LRRFIP2: variants seen among roughly 807,000 people sequenced by gnomAD.
LRRFIP2 encodes leucine-rich repeat flightless-interacting protein 2.
LRRFIP2 carries 109 observed loss-of-function variants against 125.9 expected under a neutral mutation model. The observed-to-expected ratio is 0.87, with a 90% CI of 0.74 to 1.01. The LOEUF (loss-of-function observed/expected upper bound fraction) is 1.01, where lower values mean the gene tolerates loss of function less well. Among genes scored for constraint, LRRFIP2 ranks in the 50% least tolerant of loss-of-function variants. The probability of loss-of-function intolerance (pLI) is 0.00; values close to 1 mark genes in which losing one functional copy is unlikely to be tolerated. For synonymous variants in LRRFIP2, 291 were observed against 293.1 expected, an observed-to-expected ratio of 0.99 and a Z score of 0.07; for missense variants, 850 against 862.3, an observed-to-expected ratio of 0.99 and a Z score of 0.18.
chr3:37,127,737 A>C, intron 3 of LRRFIP2, 57 bp from the exon 4 acceptor site: 1 of 1,362,390 alleles, frequency 7.3e-7, no homozygotes, highest in Non-Finnish European at 1.0e-6. Context: ...CATTCTCCAA[A>C]AACCTTAAAT....
intron 21 of LRRFIP2, among the ~76,000 whole-genome samples, chr3:37,070,677 C>A (rs2091028657): frequency 2.0e-5 from 3 of 152,030 alleles, no homozygotes; most frequent in Admixed American, 1.3e-4. Flanking sequence ...TTGCAGTGAG[C>A]TGAGATCGTG....
chr3:37,122,549 G>A (rs1388741687), intron 4 of LRRFIP2, among the ~76,000 whole-genome samples: 1 of 152,100 alleles, frequency 6.6e-6, no homozygotes, highest in East Asian at 1.9e-4. Context: ...TATCACTGAT[G>A]TATTTTAAGA....
intron 1 of LRRFIP2, among the ~76,000 whole-genome samples, chr3:37,157,197 C>T (rs55832307): frequency 0.016 from 2,358 of 151,942 alleles, 52 homozygotes; most frequent in African/African-American, 0.043. Context: ...AATCCCAGTA[C>T]TTTGGGAGGC....
At chr3:37,165,795 GAGAAAGAAAGAAAGAAAGAAAGAA>G (rs780657651) in intron 1 of LRRFIP2, among the ~76,000 whole-genome samples, 1 of 17,998 alleles carries the variant, frequency 5.6e-5, no homozygotes, top group South Asian at 1.8e-3. Flanking sequence ...GAGAAAGAAA[GAGAAAGAAAGAAAGAAAGAAAGAA>G]AGAAAGAAAG....
At chr3:37,092,650 T>C (rs2149195124) in intron 17 of LRRFIP2, among the ~76,000 whole-genome samples, 1 of 152,302 alleles carries the variant, frequency 6.6e-6, no homozygotes, top group African/African-American at 2.4e-5. Context: ...TTATTCAACT[T>C]TCCACCCTGG....
At chr3:37,075,271 G>A (rs889917585) in intron 19 of LRRFIP2, among the ~76,000 whole-genome samples, 155 bp from the exon 20 acceptor site, 3 of 152,122 alleles carry the variant, frequency 2.0e-5, no homozygotes, top group Admixed American at 2.0e-4. Flanking sequence ...CTATAGAAAA[G>A]TTAAGAAAAT....
At chr3:37,161,179 T>TGAAAA (rs1408490057) in intron 1 of LRRFIP2, among the ~76,000 whole-genome samples, 1 of 88,142 alleles carries the variant, frequency 1.1e-5, no homozygotes, top group Non-Finnish European at 2.2e-5. Flanking sequence ...CCCCATCTAC[T>TGAAAA]AAAAAAAAAA....
At chr3:37,112,285 G>A (rs1175797713) in intron 8 of LRRFIP2, among the ~76,000 whole-genome samples, 4 of 148,002 alleles carry the variant, frequency 2.7e-5, no homozygotes, top group East Asian at 3.9e-4. Flanking sequence ...GCAGTGAGCC[G>A]AGATCGCGCC....
chr3:37,164,791 T>A (rs571110262), intron 1 of LRRFIP2, among the ~76,000 whole-genome samples: 1 of 152,166 alleles, frequency 6.6e-6, no homozygotes, highest in African/African-American at 2.4e-5. Flanking sequence ...TCTAAGGTGG[T>A]TCCCCACCCT....
intron 18 of LRRFIP2, among the ~76,000 whole-genome samples, chr3:37,085,984 C>CTTAT (rs1266722959): frequency 6.6e-6 from 1 of 152,144 alleles, no homozygotes; most frequent in South Asian, 2.1e-4. Context: ...TGATAAGGGA[C>CTTAT]TTATATGCAG....
rs1464332536 is a variant in LRRFIP2, at chr3:37,135,078, G to C, written c.91-5929C>G. ...CGTAAAAGTACAACAGAATATCTCG[G>C]GAATGGACTCAGAAGAATGCCATAT... On this transcript the variant is annotated intron_variant, in intron 2 of 27. Transcript: ENST00000336686. 5 of 1,375,460 alleles carry C rather than the reference G, an allele frequency of 3.6e-6. No homozygotes were observed. In the African/African-American group the frequency reaches 7.2e-5, roughly 20 times the overall value. 85.2% of individuals were successfully genotyped at this position (1,375,460 alleles called of 1,614,324 possible). A position where few individuals can be genotyped will look rare whatever the true frequency, so the allele number is the denominator to read the frequency against.
At chr3:37,098,776 A>T (rs2093866348) in intron 15 of LRRFIP2, among the ~76,000 whole-genome samples, 1 of 152,166 alleles carries the variant, frequency 6.6e-6, no homozygotes, top group African/African-American at 2.4e-5. Context: ...GCATTGCCCA[A>T]TATTTAATGT....
Position 37,110,979 on chromosome 3 carries a change from G to C in LRRFIP2, c.513+12C>G. On this transcript the variant is annotated intron_variant, in intron 9 of 27. Coordinates refer to ENST00000336686, the MANE Select transcript of LRRFIP2 (RefSeq NM_006309.4). ...GAATCAAACACATAAAGCCAAAAAA[G>C]TTTAGACAAACCCGAGTGTAGTAGG... is the stretch of plus-strand genomic sequence containing the variant. 1 of 1,611,668 alleles carries C rather than the reference G, an allele frequency of 6.2e-7. No individual in the cohort carries two copies.
At chr3:37,152,259 AGAAT>A (rs2096055616) in intron 1 of LRRFIP2, among the ~76,000 whole-genome samples, 1 of 152,206 alleles carries the variant, frequency 6.6e-6, no homozygotes, top group Non-Finnish European at 1.5e-5. Context: ...CAAAGGCATA[AGAAT>A]GATATAATAG....
chr3:37,143,110 G>A (rs1043572344), intron 2 of LRRFIP2, among the ~76,000 whole-genome samples: 5 of 152,220 alleles, frequency 3.3e-5, no homozygotes, highest in East Asian at 1.9e-4. Flanking sequence ...AGCTCCCTGA[G>A]GCCTCCCCAG....
chr3:37,055,471 C>T (rs894833403), intron 25 of LRRFIP2, among the ~76,000 whole-genome samples: 2 of 152,114 alleles, frequency 1.3e-5, no homozygotes, highest in African/African-American at 2.4e-5. Flanking sequence ...GAAGCTGAGG[C>T]AGGAGAATCA....
At position 37,144,817 on chromosome 3, in the gene LRRFIP2, G is replaced by A. The variant is rs77834285; in HGVS notation, c.90+4077C>T. ...AACATAAAACCTATGCAACTGGCAT[G>A]GACAAAAGAGAGATAATGTACAATT... On this transcript the variant is annotated intron_variant, in intron 2 of 27. Coordinates refer to ENST00000336686, the MANE Select transcript of LRRFIP2 (RefSeq NM_006309.4). 3.0e-3 allele frequency among the ~76,000 whole-genome samples: 454 copies of A among 152,218 alleles called. 4 individuals carry two copies. The highest frequency in any genetic ancestry group is 0.01 in the African/African-American group (433 of 41,530).
intron 1 of LRRFIP2, among the ~76,000 whole-genome samples, chr3:37,159,638 C>G (rs2096281612): frequency 6.6e-6 from 1 of 152,050 alleles, no homozygotes; most frequent in African/African-American, 2.4e-5. Context: ...TCCTGAATAC[C>G]TGGGATTACA....
intron 18 of LRRFIP2, 102 bp from the exon 19 acceptor site, chr3:37,083,908 T>A (rs1369683299): frequency 1.1e-6 from 1 of 875,542 alleles, no homozygotes; most frequent in East Asian, 3.0e-5. Context: ...TAAAGATGCA[T>A]TTTCATAAAA....
Sources: allele counts gnomAD v4.1 joint callset (sites outside exome capture counted in the v4.1 genomes callset), GRCh38; gene constraint gnomAD v4.1.1; transcripts MANE v1.5; gene names NCBI Gene and HGNC (gene_info 2026-07-23, HGNC 2026-07-21).